SHANK2: variants seen among roughly 807,000 people sequenced by gnomAD.
The protein encoded by SHANK2 is SH3 and multiple ankyrin repeat domains 2.
Under a neutral mutation model 133.7 loss-of-function variants are expected in SHANK2, and 43 were observed. The ratio of observed to expected loss-of-function variants is 0.32; its 90% CI spans 0.25 to 0.41. The LOEUF is 0.41. SHANK2 is among the 10% of genes least tolerant of loss of function. The probability of loss-of-function intolerance (pLI) is 1.00; values close to 1 mark genes in which losing one functional copy is unlikely to be tolerated. For synonymous variants in SHANK2, 1,017 were observed against 952.8 expected (o/e 1.07, Z -1.24); for missense variants, 1,994 against 2,235.8 (o/e 0.89, Z 2.18).
intron 17 of SHANK2, among the ~76,000 whole-genome samples, chr11:70,534,460 G>A (rs1370500731): frequency 2.0e-5 from 3 of 152,198 alleles, no homozygotes; most frequent in Non-Finnish European, 4.4e-5. Context: ...TGGAGATGCA[G>A]CCAAACCATA....
intron 6 of SHANK2, among the ~76,000 whole-genome samples, chr11:71,104,673 T>C (rs138339803): frequency 6.6e-6 from 1 of 152,184 alleles, no homozygotes; most frequent in African/African-American, 2.4e-5. Context: ...TTTTCTCTTT[T>C]CCCCCGTCAC....
intron 11 of SHANK2, among the ~76,000 whole-genome samples, chr11:70,886,141 G>T (rs372694331): frequency 6.6e-6 from 1 of 152,056 alleles, no homozygotes; most frequent in African/African-American, 2.4e-5. Flanking sequence ...CAGCTCACTC[G>T]GTCCCGCGAA....
At chr11:70,515,923 T>G (rs191352437) in intron 17 of SHANK2, among the ~76,000 whole-genome samples, 18 of 152,338 alleles carry the variant, frequency 1.2e-4, no homozygotes, top group Non-Finnish European at 2.2e-4. Flanking sequence ...TTGATCTCAC[T>G]GAGCATATTA....
chr11:70,638,531 C>T (rs537064055), intron 17 of SHANK2, among the ~76,000 whole-genome samples: 9 of 152,326 alleles, frequency 5.9e-5, no homozygotes, highest in Middle Eastern at 6.8e-3. Flanking sequence ...GTTGTAACAG[C>T]CGAGGACCAA....
intron 11 of SHANK2, among the ~76,000 whole-genome samples, chr11:70,883,696 C>A (rs1037889303): frequency 1.3e-5 from 2 of 152,206 alleles, no homozygotes; most frequent in Non-Finnish European, 2.9e-5. Context: ...CCTCACCACC[C>A]TCCTGGACCC....
At chr11:70,924,212 C>T (rs141353166) in intron 10 of SHANK2, among the ~76,000 whole-genome samples, 241 of 152,276 alleles carry the variant, frequency 1.6e-3, no homozygotes, top group East Asian at 5.0e-3. Context: ...TCCCTCCTGA[C>T]GGTACAGATA....
At chr11:71,108,945 C>A (rs550323122) in intron 6 of SHANK2, among the ~76,000 whole-genome samples, 26 of 152,298 alleles carry the variant, frequency 1.7e-4, no homozygotes, top group Admixed American at 5.2e-4. Flanking sequence ...GGGCCCCCCC[C>A]CAGCGTTCAG....
At chr11:71,179,079 A>C (rs782452934) in intron 2 of SHANK2, among the ~76,000 whole-genome samples, 21 of 152,248 alleles carry the variant, frequency 1.4e-4, no homozygotes, top group Non-Finnish European at 2.6e-4. Flanking sequence ...AAGCTGGATA[A>C]AAGGAAACAT....
intron 6 of SHANK2, among the ~76,000 whole-genome samples, chr11:71,106,972 T>C (rs1382245631): frequency 1.3e-5 from 2 of 148,332 alleles, no homozygotes; most frequent in Non-Finnish European, 3.0e-5. Flanking sequence ...AAGAATACCT[T>C]GGTGTGGTGC....
At chr11:71,147,080 T>A in intron 3 of SHANK2, 40 bp downstream of exon 3, 1 of 1,497,120 alleles carries the variant, frequency 6.7e-7, no homozygotes, top group Middle Eastern at 2.3e-4. Context: ...ACAGGTGACA[T>A]TGTCCAGATG....
At chr11:70,577,941 G>A (rs1384342358) in intron 17 of SHANK2, among the ~76,000 whole-genome samples, 3 of 152,232 alleles carry the variant, frequency 2.0e-5, no homozygotes, top group Admixed American at 2.0e-4. Flanking sequence ...TGACCTGTGA[G>A]GGGACAGGGA....
chr11:70,571,849 A>AGAG lies in SHANK2; in HGVS notation c.2062-68921_2062-68919dup, dbSNP rs1298094789. Among the ~76,000 whole-genome samples the AGAG allele has an allele frequency of 7.2e-5, 11 of 151,872 alleles. No homozygotes were observed. In the East Asian group the frequency reaches 2.1e-3, roughly 29 times the overall value. On this transcript the variant is annotated intron_variant, in intron 17 of 25. Coordinates refer to ENST00000601538, the MANE Select transcript of SHANK2 (RefSeq NM_012309.5). ...AGGGGAGAGGGAACTGGAAAGCGAG[A>AGAG]GAGGAGGAGGAGGGGTAGGGCTGGG... is the stretch of plus-strand genomic sequence containing the variant.
chr11:70,924,322 A>T (rs1439974158), intron 10 of SHANK2, among the ~76,000 whole-genome samples: 1 of 128,016 alleles, frequency 7.8e-6, no homozygotes, highest in Non-Finnish European at 1.6e-5. Context: ...GCTGCATCCC[A>T]GTCTCACCTG....
At chr11:70,529,734 C>T (rs1271047238) in intron 17 of SHANK2, among the ~76,000 whole-genome samples, 2 of 152,230 alleles carry the variant, frequency 1.3e-5, no homozygotes, top group Admixed American at 1.3e-4. Context: ...CACCTCCTCC[C>T]TGTCTCTGTG....
intron 6 of SHANK2, among the ~76,000 whole-genome samples, chr11:71,105,878 A>G (rs1951795737): frequency 6.6e-6 from 1 of 152,148 alleles, no homozygotes; most frequent in Non-Finnish European, 1.5e-5. Context: ...ACCCTCATGT[A>G]AGCTCTGGAC....
chr11:70,663,068 G>C (rs1232868434), intron 15 of SHANK2, among the ~76,000 whole-genome samples: 1 of 152,170 alleles, frequency 6.6e-6, no homozygotes. Flanking sequence ...TGAGCCTCGG[G>C]GGTGAGGAGA....
At chr11:71,239,979 G>A (rs1360738516) in intron 1 of SHANK2, among the ~76,000 whole-genome samples, 1 of 152,206 alleles carries the variant, frequency 6.6e-6, no homozygotes, top group Non-Finnish European at 1.5e-5. Flanking sequence ...ACACCAGGCA[G>A]TGGCCAGAAA....
chr11:70,814,975 C>T (rs1948358235), intron 12 of SHANK2, among the ~76,000 whole-genome samples: 1 of 152,316 alleles, frequency 6.6e-6, no homozygotes. Context: ...GGGATGCCCC[C>T]ACCCCACACA....
intron 14 of SHANK2, among the ~76,000 whole-genome samples, chr11:70,714,826 G>A (rs782746454): frequency 6.6e-6 from 1 of 151,852 alleles, no homozygotes; most frequent in African/African-American, 2.4e-5. Flanking sequence ...TCTTATAAGA[G>A]ACAGAATCTT....
Sources: allele counts gnomAD v4.1 joint callset (sites outside exome capture counted in the v4.1 genomes callset), GRCh38; gene constraint gnomAD v4.1.1; transcripts MANE v1.5; gene names NCBI Gene and HGNC (gene_info 2026-07-23, HGNC 2026-07-21).